Variants in PKHD1 observed in about 807,000 individuals in gnomAD.
PKHD1 encodes the protein PKHD1 ciliary IPT domain containing fibrocystin/polyductin.
In PKHD1, 291 loss-of-function variants were observed where a neutral mutation model predicts 412.0. The ratio of observed to expected loss-of-function variants is 0.71; its 90% CI spans 0.64 to 0.78. The LOEUF is 0.78. PKHD1 is among the 30% of genes least tolerant of loss of function. The pLI, the probability that PKHD1 is intolerant of heterozygous loss-of-function variation, is 0.00. For missense variants in PKHD1, 4,825 were observed against 4,950.7 expected (o/e 0.97, Z 0.76); for synonymous variants, 1,777 against 1,821.5 (o/e 0.98, Z 0.62).
At chr6:52,057,425 T>C (rs1440370414) in intron 16 of PKHD1, among the ~76,000 whole-genome samples, 1 of 65,434 alleles carries the variant, frequency 1.5e-5, no homozygotes, top group Non-Finnish European at 2.7e-5. Context: ...TCTATGCAGC[T>C]TTTTTTTTTT....
intron 46 of PKHD1, among the ~76,000 whole-genome samples, chr6:51,880,781 A>AT (rs1777151936): frequency 1.2e-4 from 1 of 8,604 alleles, no homozygotes; most frequent in African/African-American, 1.9e-4. Flanking sequence ...AAAAAAATTA[A>AT]AAAAAAAAAA....
intron 48 of PKHD1, among the ~76,000 whole-genome samples, chr6:51,865,796 A>G (rs1774973717): frequency 6.6e-6 from 1 of 152,358 alleles, no homozygotes; most frequent in South Asian, 2.1e-4. Flanking sequence ...CATGAAATGC[A>G]GCAAAGTTTG....
At chr6:51,868,306 T>C (rs779618104) in intron 47 of PKHD1, among the ~76,000 whole-genome samples, 197 bp from the exon 48 acceptor site, 13 of 152,178 alleles carry the variant, frequency 8.5e-5, no homozygotes, top group Non-Finnish European at 1.3e-4. Context: ...GTGCTAGAGA[T>C]ACTAAGAGGT....
chr6:52,067,062 T>A (rs1310445011), intron 11 of PKHD1, among the ~76,000 whole-genome samples: 1 of 152,190 alleles, frequency 6.6e-6, no homozygotes, highest in African/African-American at 2.4e-5. Flanking sequence ...GCATTTTGTG[T>A]AAACTGAAGG....
chr6:51,902,597 C>T (rs1438738749), intron 43 of PKHD1, among the ~76,000 whole-genome samples: 1 of 152,196 alleles, frequency 6.6e-6, no homozygotes, highest in Non-Finnish European at 1.5e-5. Context: ...GAAAGAAGCT[C>T]ATCCTCTGAG....
At chr6:52,068,536 T>A (rs1385289201) in intron 11 of PKHD1, among the ~76,000 whole-genome samples, 1 of 152,238 alleles carries the variant, frequency 6.6e-6, no homozygotes, top group African/African-American at 2.4e-5. Context: ...CTAAGACCTT[T>A]GGCTTTGGAC....
chr6:52,080,843 T>C (rs1811927132), intron 4 of PKHD1, among the ~76,000 whole-genome samples: 1 of 152,196 alleles, frequency 6.6e-6, no homozygotes, highest in Non-Finnish European at 1.5e-5. Context: ...TTTAGATATG[T>C]TGAGTTAAAT....
chr6:51,809,589 G>A (rs1764373068), intron 52 of PKHD1, among the ~76,000 whole-genome samples: 1 of 151,884 alleles, frequency 6.6e-6, no homozygotes, highest in Non-Finnish European at 1.5e-5. Flanking sequence ...AGGCTTACTT[G>A]AATTTATAAA....
chr6:51,822,400 G>A (rs1049438075), intron 52 of PKHD1, among the ~76,000 whole-genome samples: 6 of 152,066 alleles, frequency 3.9e-5, no homozygotes, highest in African/African-American at 1.4e-4. Flanking sequence ...CATCATCGTG[G>A]TATTGCTCCT....
intron 66 of PKHD1, among the ~76,000 whole-genome samples, chr6:51,620,552 A>G (rs1766475899): frequency 6.6e-6 from 1 of 151,942 alleles, no homozygotes; most frequent in African/African-American, 2.4e-5. Context: ...CTCACATCTC[A>G]CCACCAAATA....
At chr6:51,660,061 T>C (rs916114691) in intron 60 of PKHD1, 92 bp from the exon 61 acceptor site, 3 of 794,310 alleles carry the variant, frequency 3.8e-6, no homozygotes, top group Non-Finnish European at 6.2e-6. Flanking sequence ...CATCTATAAC[T>C]GGATAAAATA....
intron 28 of PKHD1, among the ~76,000 whole-genome samples, chr6:52,033,900 G>T (rs375149578): frequency 6.6e-6 from 1 of 151,938 alleles, no homozygotes; most frequent in African/African-American, 2.4e-5. Context: ...AGGCCGAGGC[G>T]GGTGGATCAC....
At chr6:51,757,503 A>G (rs1787213859) in intron 55 of PKHD1, among the ~76,000 whole-genome samples, 1 of 152,026 alleles carries the variant, frequency 6.6e-6, no homozygotes, top group Non-Finnish European at 1.5e-5. Flanking sequence ...ATTCTTGAAA[A>G]CTGACACAAG....
Position 52,073,560 on chromosome 6 carries a change from T to G in PKHD1, c.449-19A>C. On this transcript the variant is annotated intron_variant, in intron 6 of 66. Transcript: ENST00000371117. ...AGTTTTCCTGTTTGAAGAAGAATTT[T>G]TTTAATTTAATGGACTTAGCTCAAA... is the stretch of plus-strand genomic sequence containing the variant. 1 of 1,468,664 alleles carries G rather than the reference T, an allele frequency of 6.8e-7. No homozygotes were observed. Among genetic ancestry groups the G allele is most frequent in the Non-Finnish European group, 9.5e-7 (1 of 1,047,720 alleles). The allele number at this position is 1,468,664 out of a possible 1,614,324, so 91.0% of individuals were successfully genotyped here.
chr6:51,914,702 C>T (rs193160932), intron 37 of PKHD1, among the ~76,000 whole-genome samples: 166 of 152,160 alleles, frequency 1.1e-3, no homozygotes, highest in African/African-American at 3.9e-3. Context: ...ACTTCAAAGA[C>T]TCTCCATAAT....
intron 61 of PKHD1, among the ~76,000 whole-genome samples, chr6:51,654,256 T>C (rs1014053382): frequency 1.3e-5 from 2 of 152,128 alleles, no homozygotes; most frequent in African/African-American, 2.4e-5. Flanking sequence ...AAAAACTGGA[T>C]TAATGGCTAA....
At chr6:51,977,519 T>C (rs1470430925) in intron 35 of PKHD1, among the ~76,000 whole-genome samples, 1 of 152,208 alleles carries the variant, frequency 6.6e-6, no homozygotes, top group African/African-American at 2.4e-5. Flanking sequence ...TCCTCTTTCT[T>C]CCAGAAGCTT....
intron 37 of PKHD1, among the ~76,000 whole-genome samples, chr6:51,927,510 C>A (rs1222731403): frequency 6.6e-6 from 1 of 152,136 alleles, no homozygotes. Flanking sequence ...TGGGGATGAG[C>A]CATCAGCCTG....
chr6:51,664,748 G>T (rs947519041), intron 60 of PKHD1, among the ~76,000 whole-genome samples: 1 of 152,084 alleles, frequency 6.6e-6, no homozygotes, highest in African/African-American at 2.4e-5. Flanking sequence ...TGATTGCAAA[G>T]GAACTAGTGC....
Sources: gnomAD v4.1 joint callset for allele counts (sites outside exome capture counted in the v4.1 genomes callset) on GRCh38, gnomAD v4.1.1 for gene constraint, MANE v1.5 for transcripts, NCBI Gene and HGNC (gene_info 2026-07-23, HGNC 2026-07-21) for gene names.